FTO: variants seen among roughly 807,000 people sequenced by gnomAD.
FTO encodes the protein FTO alpha-ketoglutarate dependent dioxygenase.
Under a neutral mutation model 63.9 loss-of-function variants are expected in FTO, and 47 were observed. That is an observed-to-expected ratio of 0.74 (90% CI 0.58 to 0.94). The LOEUF (loss-of-function observed/expected upper bound fraction) is 0.94, where lower values mean the gene tolerates loss of function less well. Among genes scored for constraint, FTO ranks in the 40% least tolerant of loss-of-function variants. FTO has a pLI of 0.00. For missense variants in FTO, 562 were observed against 618.1 expected, an observed-to-expected ratio of 0.91 and a Z score of 0.96; for synonymous variants, 207 against 224.4, an observed-to-expected ratio of 0.92 and a Z score of 0.69.
chr16:54,111,083 A>G (rs1255107988), intron 8 of FTO, among the ~76,000 whole-genome samples: 2 of 152,210 alleles, frequency 1.3e-5, no homozygotes, highest in African/African-American at 2.4e-5. Flanking sequence ...TGAATAATCC[A>G]TTCAATAAAA....
chr16:53,957,536 T>C (rs781594877), intron 8 of FTO, among the ~76,000 whole-genome samples: 1 of 152,240 alleles, frequency 6.6e-6, no homozygotes, highest in Non-Finnish European at 1.5e-5. Context: ...GCTGGCATTG[T>C]ATTTGAATAT....
chr16:54,009,275 T>C (rs1292735266), intron 8 of FTO, among the ~76,000 whole-genome samples: 1 of 152,108 alleles, frequency 6.6e-6, no homozygotes, highest in Non-Finnish European at 1.5e-5. Context: ...TAGTAATAGA[T>C]GAATTTGGAT....
At chr16:54,108,683 C>T (rs1410674703) in intron 8 of FTO, among the ~76,000 whole-genome samples, 1 of 152,112 alleles carries the variant, frequency 6.6e-6, no homozygotes, top group Non-Finnish European at 1.5e-5. Flanking sequence ...TTGCTATGTG[C>T]CAGGAAATGT....
At chr16:54,032,759 G>A (rs2084860432) in intron 8 of FTO, among the ~76,000 whole-genome samples, 1 of 152,090 alleles carries the variant, frequency 6.6e-6, no homozygotes, top group African/African-American at 2.4e-5. Context: ...CTGAAGTATG[G>A]TCCCCATTGT....
intron 8 of FTO, among the ~76,000 whole-genome samples, chr16:53,988,534 G>C (rs748679439): frequency 9.2e-5 from 14 of 152,136 alleles, no homozygotes; most frequent in Non-Finnish European, 1.9e-4. Context: ...GCAAGGAAAG[G>C]AAATATTCTA....
intron 6 of FTO, among the ~76,000 whole-genome samples, chr16:53,885,810 G>A (rs13330553): frequency 0.12 from 17,662 of 152,072 alleles, 3,205 homozygotes; most frequent in African/African-American, 0.38. Context: ...GTTTAGTGGC[G>A]CGATCATGGC....
At chr16:53,839,139 G>A (rs183158999) in intron 3 of FTO, among the ~76,000 whole-genome samples, 119 of 152,216 alleles carry the variant, frequency 7.8e-4, no homozygotes, top group African/African-American at 2.8e-3. Context: ...AATTTTGGGG[G>A]GAAGTTTTGG....
In FTO at chr16:53,826,319, T is replaced by A; in HGVS notation, c.579T>A (p.Ile193=). 1 of 1,614,162 alleles carries A rather than the reference T, an allele frequency of 6.2e-7. No individual in the cohort carries two copies. The highest frequency in any genetic ancestry group is 8.5e-7 in the Non-Finnish European group (1 of 1,180,030). The change falls in exon 3 of 9, where the codon ATT becomes ATA. Residue 193 remains isoleucine, a synonymous_variant. Transcript: ENST00000471389. ...ACAACGGACAAGATGAAGTGGACAT[T>A]AAGAGCAGAGCAGCATACAACGTAA... The part of the protein sequence containing the change: ...SSYNGQDEVD[I]KSRAAYNVTL...
At chr16:53,801,763 T>G (rs1052362238) in intron 1 of FTO, among the ~76,000 whole-genome samples, 1 of 152,008 alleles carries the variant, frequency 6.6e-6, no homozygotes, top group Admixed American at 6.6e-5. Flanking sequence ...GTGTTATTCT[T>G]TTTTTTCTTT....
At chr16:54,050,141 A>C (rs1388127816) in intron 8 of FTO, among the ~76,000 whole-genome samples, 3 of 152,060 alleles carry the variant, frequency 2.0e-5, no homozygotes, top group African/African-American at 7.2e-5. Context: ...CAAGGGTGGT[A>C]ATTTGGGGAG....
At chr16:54,048,921 A>G (rs1208407441) in intron 8 of FTO, among the ~76,000 whole-genome samples, 1 of 152,172 alleles carries the variant, frequency 6.6e-6, no homozygotes, top group Non-Finnish European at 1.5e-5. Context: ...TAAATCTGTA[A>G]TGTGCACTGA....
chr16:54,024,563 C>T (rs1456130382), intron 8 of FTO, among the ~76,000 whole-genome samples: 1 of 152,054 alleles, frequency 6.6e-6, no homozygotes, highest in Non-Finnish European at 1.5e-5. Context: ...TTGCCACCAG[C>T]GATAGAGAAG....
At position 54,089,407 on chromosome 16, in the gene FTO, A is replaced by T. The variant is rs373638377; in HGVS notation, c.1365-22355A>T. Among the ~76,000 whole-genome samples the T allele has an allele frequency of 4.1e-4, 62 of 152,344 alleles. 2 individuals carry two copies. In the South Asian group the frequency reaches 0.012, roughly 29 times the overall value. ...GTGTAAGAGATACTGGATATCTCAT[A>T]TTCCTTCAGCTCCAATTTGTGCTGT... On this transcript the variant is annotated intron_variant, in intron 8 of 8. Coordinates refer to ENST00000471389, the MANE Select transcript of FTO (RefSeq NM_001080432.3).
intron 1 of FTO, among the ~76,000 whole-genome samples, chr16:53,769,419 C>G (rs1567970977): frequency 6.6e-6 from 1 of 152,102 alleles, no homozygotes; most frequent in Admixed American, 6.5e-5. Flanking sequence ...CATAATCTGT[C>G]AAGTGGGGAT....
At chr16:53,926,958 TTGTCTCCTTGGTGACCC>T (rs1321164504) in intron 7 of FTO, among the ~76,000 whole-genome samples, 6 of 152,220 alleles carry the variant, frequency 3.9e-5, no homozygotes, top group Admixed American at 1.3e-4. Flanking sequence ...CCAAAGCTCC[TTGTCTCCTTGGTGACCC>T]TAAGAAACTT....
intron 8 of FTO, among the ~76,000 whole-genome samples, chr16:54,041,901 C>T (rs577720897): frequency 6.6e-6 from 1 of 152,168 alleles, no homozygotes; most frequent in East Asian, 1.9e-4. Context: ...GAAACCTGCT[C>T]GAATAGAAGA....
intron 8 of FTO, among the ~76,000 whole-genome samples, chr16:54,069,036 C>T (rs971833951): frequency 3.3e-5 from 5 of 152,140 alleles, no homozygotes; most frequent in African/African-American, 1.2e-4. Flanking sequence ...AAAACGAAAG[C>T]ATTTTTTGAT....
intron 8 of FTO, among the ~76,000 whole-genome samples, chr16:53,978,029 A>T (rs547709761): frequency 1.9e-3 from 284 of 151,940 alleles, no homozygotes; most frequent in African/African-American, 5.8e-3. Context: ...GCTAATTTTT[A>T]AAAAAATTTT....
intron 8 of FTO, among the ~76,000 whole-genome samples, chr16:54,041,923 G>A (rs573698927): frequency 6.6e-6 from 1 of 152,318 alleles, no homozygotes; most frequent in East Asian, 1.9e-4. Flanking sequence ...CACGGGAGAA[G>A]ATTTATGTCC....
Sources: gnomAD v4.1 joint callset for allele counts (sites outside exome capture counted in the v4.1 genomes callset) on GRCh38, gnomAD v4.1.1 for gene constraint, MANE v1.5 for transcripts, NCBI Gene and HGNC (gene_info 2026-07-23, HGNC 2026-07-21) for gene names.